Variants in MTCL3 observed in about 807,000 individuals in gnomAD.
MTCL3 encodes microtubule cross-linking factor 3.
the MTCL3 span, chr6:127,475,460 T>A: frequency 1.2e-6 from 2 of 1,613,466 alleles, no homozygotes; most frequent in Non-Finnish European, 1.7e-6. The surrounding 1 kb of genome is among the most constrained non-coding windows in gnomAD (Gnocchi z 7.3). Context: ...TCCTCGTCCA[T>A]GAGTCCGAAC....
At chr6:127,515,810 C>T in the MTCL3 span, 1 of 1,609,960 alleles carries the variant, frequency 6.2e-7, no homozygotes. The surrounding 1 kb of genome is among the most constrained non-coding windows in gnomAD (Gnocchi z 4.3). Context: ...GCCGCTGCCG[C>T]CCGCTCCTTC....
chr6:127,516,031 C>G, the MTCL3 span: 5 of 1,573,652 alleles, frequency 3.2e-6, no homozygotes, highest in East Asian at 1.2e-4. Flanking sequence ...CCCTCGCCAG[C>G]CCCTGGGCGG....
At chr6:127,500,730 A>G in the MTCL3 span, among the ~76,000 whole-genome samples, 1 of 152,228 alleles carries the variant, frequency 6.6e-6, no homozygotes, top group East Asian at 1.9e-4. Flanking sequence ...ATAACAATGA[A>G]ACATTTAGTA....
chr6:127,494,411 G>T, the MTCL3 span, among the ~76,000 whole-genome samples: 1 of 152,114 alleles, frequency 6.6e-6, no homozygotes, highest in Admixed American at 6.5e-5. Context: ...ATGGGATGTG[G>T]TTACAACAGA....
the MTCL3 span, among the ~76,000 whole-genome samples, chr6:127,491,610 T>C: frequency 7.2e-3 from 1,099 of 152,302 alleles, 15 homozygotes; most frequent in African/African-American, 0.026. Flanking sequence ...TTTACTGCTG[T>C]GGTCTAAAAC....
At chr6:127,516,101 C>A in the MTCL3 span, 2 of 1,486,612 alleles carry the variant, frequency 1.3e-6, no homozygotes, top group South Asian at 1.3e-5. Flanking sequence ...CCTCCTCCTT[C>A]CCCGCCCCCT....
At chr6:127,511,719 A>G in the MTCL3 span, among the ~76,000 whole-genome samples, 1 of 152,166 alleles carries the variant, frequency 6.6e-6, no homozygotes, top group Non-Finnish European at 1.5e-5. Flanking sequence ...ATATTTTTTT[A>G]CTATTTTCTT....
At chr6:127,475,627 G>A in the MTCL3 span, 4 of 1,598,720 alleles carry the variant, frequency 2.5e-6, no homozygotes, top group Admixed American at 3.3e-5. The surrounding 1 kb of genome is among the most constrained non-coding windows in gnomAD (Gnocchi z 7.3). Context: ...CCCGGGCGCC[G>A]GGTAGAAGGA....
chr6:127,512,813 A>T, the MTCL3 span: 1 of 1,361,532 alleles, frequency 7.3e-7, no homozygotes, highest in South Asian at 1.6e-5. Context: ...AAATTTTTTA[A>T]CAGTCATATT....
chr6:127,516,038 G>A, the MTCL3 span: 2 of 1,560,378 alleles, frequency 1.3e-6, no homozygotes, highest in African/African-American at 2.7e-5. Context: ...CAGCCCCTGG[G>A]CGGCGGCGGC....
At chr6:127,476,139 G>A in the MTCL3 span, 1 of 1,614,194 alleles carries the variant, frequency 6.2e-7, no homozygotes, top group Non-Finnish European at 8.5e-7. The surrounding 1 kb of genome is among the most constrained non-coding windows in gnomAD (Gnocchi z 4.4). Flanking sequence ...GGTTGGCCGA[G>A]CCGTTGAAGT....
At chr6:127,473,067 C>G in the MTCL3 span, 1 of 1,113,586 alleles carries the variant, frequency 9.0e-7, no homozygotes, top group Non-Finnish European at 1.1e-6. Flanking sequence ...AGAAAAATGT[C>G]ACACTTTCTT....
chr6:127,483,096 A>G, the MTCL3 span: 1 of 818,216 alleles, frequency 1.2e-6, no homozygotes, highest in Non-Finnish European at 1.8e-6. Context: ...AAAAAGAGTT[A>G]GTTCAATAAT....
At chr6:127,483,061 C>A in the MTCL3 span, 2 of 1,194,252 alleles carry the variant, frequency 1.7e-6, no homozygotes, top group Non-Finnish European at 2.3e-6. Context: ...GTATTCTAGT[C>A]TCAAACGACA....
the MTCL3 span, among the ~76,000 whole-genome samples, chr6:127,477,355 G>T: frequency 6.6e-6 from 1 of 152,288 alleles, no homozygotes; most frequent in African/African-American, 2.4e-5. Context: ...AGGAGGAATG[G>T]AAATCTTTCT....
chr6:127,516,048 C>G, the MTCL3 span: 208 of 1,545,998 alleles, frequency 1.3e-4, no homozygotes, highest in Non-Finnish European at 1.6e-4. Context: ...GCGGCGGCGG[C>G]TGCGGAGCGC....
chr6:127,473,122 T>C, the MTCL3 span: 7 of 1,186,754 alleles, frequency 5.9e-6, no homozygotes, highest in Non-Finnish European at 7.4e-6. Flanking sequence ...AATTTGGTCT[T>C]GGTAAGATGA....
chr6:127,475,436 G>C, the MTCL3 span: 62 of 1,613,026 alleles, frequency 3.8e-5, no homozygotes, highest in Non-Finnish European at 5.1e-5. This position sits in a 1 kb window ranked among gnomAD's most constrained non-coding sequence, Gnocchi z 7.3. Flanking sequence ...TCCCGGATGC[G>C]GCTGCCGTCG....
the MTCL3 span, chr6:127,475,670 C>A: frequency 6.3e-7 from 1 of 1,589,480 alleles, no homozygotes; most frequent in East Asian, 2.2e-5. This position sits in a 1 kb window ranked among gnomAD's most constrained non-coding sequence, Gnocchi z 7.3. Context: ...ATGTTGCGCA[C>A]CTCCTCCGAG....
Sources: gnomAD v4.1 joint callset for allele counts (sites outside exome capture counted in the v4.1 genomes callset) on GRCh38, gnomAD v4.1.1 for gene constraint, Gnocchi (gnomAD v3.1) non-coding constraint, MANE v1.5 for transcripts, NCBI Gene and HGNC (gene_info 2026-07-23, HGNC 2026-07-21) for gene names.